The following DCLK1 variants were observed in gnomAD, a reference collection of about 807,000 sequenced individuals.
DCLK1 encodes the protein serine/threonine-protein kinase DCLK1.
In DCLK1, 16 loss-of-function variants were observed where a neutral mutation model predicts 86.2. The ratio of observed to expected loss-of-function variants is 0.19; its 90% CI spans 0.13 to 0.28. The LOEUF is 0.28. Among genes scored for constraint, DCLK1 ranks in the 10% least tolerant of loss-of-function variants. The pLI, the probability that DCLK1 is intolerant of heterozygous loss-of-function variation, is 1.00. For missense variants in DCLK1, 590 were observed against 940.2 expected (o/e 0.63, Z 4.87); for synonymous variants, 369 against 370.5 (o/e 1.00, Z 0.05).
intron 16 of DCLK1, among the ~76,000 whole-genome samples, chr13:35,777,178 C>G (rs1329679025): frequency 1.3e-5 from 2 of 152,170 alleles, no homozygotes; most frequent in Non-Finnish European, 2.9e-5. Context: ...GTGCATGGAT[C>G]CCCAGGATCC....
chr13:35,914,958 A>T (rs997210230), intron 4 of DCLK1, among the ~76,000 whole-genome samples: 1 of 152,206 alleles, frequency 6.6e-6, no homozygotes, highest in Non-Finnish European at 1.5e-5. Context: ...AGAGCCAATG[A>T]TTTTAGGAAT....
At chr13:36,105,411 G>C (rs1885356438) in intron 3 of DCLK1, among the ~76,000 whole-genome samples, 1 of 152,068 alleles carries the variant, frequency 6.6e-6, no homozygotes, top group Admixed American at 6.6e-5. Flanking sequence ...CATGTGAATT[G>C]TTTCATTTAG....
In DCLK1 at chr13:35,970,656, T is replaced by G. The variant is rs193206302; in HGVS notation, c.724-23199A>C. Among the ~76,000 whole-genome samples, 167 of 152,154 alleles carry G rather than the reference T, an allele frequency of 1.1e-3. 1 individual carries two copies. Among genetic ancestry groups the G allele is most frequent in the Non-Finnish European group, 6.8e-4 (46 of 68,004 alleles). On this transcript the variant is annotated intron_variant, in intron 3 of 16. Transcript: ENST00000360631. Reference sequence around the variant, plus strand: ...AGCCTTTAAGGTGCCATCCTGGGAGTGGAAACTGGACCCTTACCAGACACC... The same window carrying G: ...AGCCTTTAAGGTGCCATCCTGGGAGGGGAAACTGGACCCTTACCAGACACC...
chr13:35,858,040 A>C lies in DCLK1; in HGVS notation c.941-3447T>G, dbSNP rs117262780. Reference sequence around the variant, plus strand: ...AAACAAAAACAAAAACAAAGATTTTAAGCAGGCGCCACAGGATCAGGCTTG... The same window carrying C: ...AAACAAAAACAAAAACAAAGATTTTCAGCAGGCGCCACAGGATCAGGCTTG... On this transcript the variant is annotated intron_variant, in intron 5 of 16. Transcript: ENST00000360631. Among the ~76,000 whole-genome samples, 413 of 152,352 alleles carry C rather than the reference A, an allele frequency of 2.7e-3. 12 individuals carry two copies. In the East Asian group the frequency reaches 0.069, roughly 26 times the overall value.
At chr13:35,988,194 G>C (rs370539926) in intron 3 of DCLK1, among the ~76,000 whole-genome samples, 19 of 152,306 alleles carry the variant, frequency 1.2e-4, no homozygotes, top group African/African-American at 4.3e-4. Context: ...GTCGGCCCCC[G>C]CCGCACCCAC....
At chr13:35,966,946 C>A (rs1174654310) in intron 3 of DCLK1, among the ~76,000 whole-genome samples, 1 of 152,066 alleles carries the variant, frequency 6.6e-6, no homozygotes, top group East Asian at 2.0e-4. Context: ...AAGTGAGGAG[C>A]GTCTCTGCCT....
At chr13:35,798,183 G>T (rs966556265) in intron 15 of DCLK1, among the ~76,000 whole-genome samples, 39 of 152,228 alleles carry the variant, frequency 2.6e-4, no homozygotes, top group African/African-American at 9.1e-4. Flanking sequence ...TGGCCTCCTG[G>T]TCTCCATTTC....
chr13:36,052,457 G>T (rs1206601780), intron 3 of DCLK1, among the ~76,000 whole-genome samples: 1 of 152,078 alleles, frequency 6.6e-6, no homozygotes, highest in African/African-American at 2.4e-5. Context: ...CTCAAAATCT[G>T]AGTAATAAAA....
intron 11 of DCLK1, 97 bp from the exon 12 acceptor site, chr13:35,811,065 A>T: frequency 6.8e-7 from 1 of 1,473,644 alleles, no homozygotes; most frequent in South Asian, 1.2e-5. Context: ...TTTAATGTAT[A>T]GGAGGTAAAA....
At chr13:35,861,662 C>T (rs1241265219) in intron 5 of DCLK1, among the ~76,000 whole-genome samples, 4 of 143,494 alleles carry the variant, frequency 2.8e-5, no homozygotes, top group Non-Finnish European at 4.8e-5. Flanking sequence ...CATCTCAAAA[C>T]TTTCTGCCCC....
At chr13:36,085,193 T>C (rs897034080) in intron 3 of DCLK1, among the ~76,000 whole-genome samples, 4 of 152,206 alleles carry the variant, frequency 2.6e-5, no homozygotes, top group Admixed American at 6.5e-5. Context: ...CTATATGCTC[T>C]GAAAGTTGTC....
intron 3 of DCLK1, among the ~76,000 whole-genome samples, chr13:35,996,902 A>G (rs1022875852): frequency 2.6e-5 from 4 of 152,190 alleles, no homozygotes; most frequent in African/African-American, 9.6e-5. Flanking sequence ...CCACAAAGCT[A>G]TAGCTATTTA....
chr13:36,118,757 A>G (rs368660950), intron 2 of DCLK1, among the ~76,000 whole-genome samples: 83 of 152,290 alleles, frequency 5.5e-4, no homozygotes, highest in African/African-American at 1.9e-3. Context: ...ATAACAAAAG[A>G]CCATCAACTG....
intron 3 of DCLK1, among the ~76,000 whole-genome samples, chr13:36,050,120 G>A (rs566284585): frequency 8.4e-4 from 128 of 152,286 alleles, no homozygotes; most frequent in Non-Finnish European, 1.6e-3. Flanking sequence ...AGCCTACTAT[G>A]TTTAAAGCAC....
intron 1 of DCLK1, among the ~76,000 whole-genome samples, 185 bp from the exon 2 acceptor site, chr13:36,126,341 T>C (rs973163326): frequency 7.9e-5 from 12 of 152,186 alleles, no homozygotes; most frequent in African/African-American, 2.9e-4. Flanking sequence ...ATGATCCTCC[T>C]GCATCAATCT....
intron 4 of DCLK1, among the ~76,000 whole-genome samples, chr13:35,889,459 T>C (rs1873500120): frequency 2.0e-5 from 3 of 152,178 alleles, no homozygotes. Context: ...GTGTCTTTCC[T>C]GGACAACCAC....
At chr13:35,884,531 G>A (rs1165027862) in intron 4 of DCLK1, among the ~76,000 whole-genome samples, 1 of 152,098 alleles carries the variant, frequency 6.6e-6, no homozygotes, top group African/African-American at 2.4e-5. Flanking sequence ...AAAAGAAAAG[G>A]GAACAAAAGG....
intron 3 of DCLK1, among the ~76,000 whole-genome samples, chr13:35,996,125 C>T (rs1880464561): frequency 6.6e-6 from 1 of 152,102 alleles, no homozygotes; most frequent in East Asian, 1.9e-4. Context: ...GACGGGGCTT[C>T]ACCATGTTGG....
intron 3 of DCLK1, among the ~76,000 whole-genome samples, chr13:36,108,393 C>G (rs1263603559): frequency 1.3e-5 from 2 of 152,184 alleles, no homozygotes. Flanking sequence ...TTATCTCAGT[C>G]TAAAAACATC....
Sources: allele counts gnomAD v4.1 joint callset (sites outside exome capture counted in the v4.1 genomes callset), GRCh38; gene constraint gnomAD v4.1.1; transcripts MANE v1.5; gene names NCBI Gene and HGNC (gene_info 2026-07-23, HGNC 2026-07-21).